Variants in FTH1 observed in about 807,000 individuals in gnomAD.
The protein encoded by FTH1 is ferritin heavy chain 1.
Under a neutral mutation model 21.8 loss-of-function variants are expected in FTH1, and 3 were observed. The observed-to-expected ratio is 0.14, with a 90% CI of 0.06 to 0.36. The LOEUF (loss-of-function observed/expected upper bound fraction) is 0.36, where lower values mean the gene tolerates loss of function less well. Among genes scored for constraint, FTH1 ranks in the 10% least tolerant of loss-of-function variants. The pLI is 1.00. For missense variants in FTH1, 147 were observed against 225.8 expected, an observed-to-expected ratio of 0.65 and a Z score of 2.24; for synonymous variants, 83 against 90.1, an observed-to-expected ratio of 0.92 and a Z score of 0.45.
At chr11:61,966,999 G>C (rs900844488) in intron 1 of FTH1, 6 of 208,032 alleles carry the variant, frequency 2.9e-5, no homozygotes, top group Non-Finnish European at 5.6e-5. Flanking sequence ...CTTCCTAACC[G>C]CAGGATTGAT....
At chr11:61,967,259 G>A (rs960776081) in intron 1 of FTH1, 53 bp downstream of exon 1, 8 of 1,210,858 alleles carry the variant, frequency 6.6e-6, no homozygotes, top group Non-Finnish European at 9.1e-6. Flanking sequence ...CCCAGCGCGC[G>A]CCCCGGGAAC....
intron 2 of FTH1, 81 bp downstream of exon 2, chr11:61,965,288 G>T: frequency 6.3e-7 from 1 of 1,597,540 alleles, no homozygotes; most frequent in Non-Finnish European, 8.6e-7. Context: ...CTTTATAAGG[G>T]CAATTGCTAG....
intron 1 of FTH1, chr11:61,967,021 G>A (rs988253915): frequency 6.2e-5 from 15 of 241,364 alleles, no homozygotes; most frequent in African/African-American, 2.1e-4. Flanking sequence ...ACACAGGCTG[G>A]CAGTCTTGCA....
intron 1 of FTH1, among the ~76,000 whole-genome samples, chr11:61,966,308 A>T (rs1296605021): frequency 6.6e-6 from 1 of 152,200 alleles, no homozygotes; most frequent in African/African-American, 2.4e-5. Context: ...CCCCCATGCA[A>T]GGTGGCAAAT....
chr11:61,965,070 C>G lies in FTH1; in HGVS notation c.304G>C (p.Glu102Gln), dbSNP rs1194106649. ...DDWESGLNAM[E>Q]CALHLEKNVN... ...TTTTTTTCCAAATGTAATGCACACTCCATTGCATTCAGCCCGCTCTCCCAG... is the reference window on the plus strand; with the variant it reads ...TTTTTTTCCAAATGTAATGCACACTGCATTGCATTCAGCCCGCTCTCCCAG... Residue 102 changes from glutamate to glutamine, a missense_variant, in exon 3 of 4, where the codon GAG becomes CAG. By Grantham distance (29) the Glu-to-Gln change is conservative. Transcript: ENST00000273550. 1.2e-6 allele frequency: 2 copies of G among 1,609,602 alleles called. No individual in the cohort carries two copies. Among genetic ancestry groups the G allele is most frequent in the East Asian group, 4.5e-5 (2 of 44,886 alleles).
In FTH1 at chr11:61,965,823, T is replaced by G. The variant is rs554524983; in HGVS notation, c.115-308A>C. Among the ~76,000 whole-genome samples, 5 of 152,334 alleles carry G rather than the reference T, an allele frequency of 3.3e-5. No individual in the cohort carries two copies. The East Asian group carries it at 9.6e-4, about 29-fold the overall frequency. On this transcript the variant is annotated intron_variant, in intron 1 of 3. Coordinates refer to ENST00000273550, the MANE Select transcript of FTH1 (RefSeq NM_002032.3). Reference sequence around the variant, plus strand: ...GATCTGTATTACTGCACAGAAAACTTACAGCCAGTGTCAGAATTCATTGTC... The same window carrying G: ...GATCTGTATTACTGCACAGAAAACTGACAGCCAGTGTCAGAATTCATTGTC...
At chr11:61,966,267 C>G (rs934588502) in intron 1 of FTH1, among the ~76,000 whole-genome samples, 1 of 152,182 alleles carries the variant, frequency 6.6e-6, no homozygotes, top group African/African-American at 2.4e-5. Context: ...GAGCGAGACT[C>G]TGTCTCTCAC....
intron 1 of FTH1, among the ~76,000 whole-genome samples, chr11:61,966,101 C>T (rs1473723704): frequency 6.6e-6 from 1 of 152,058 alleles, no homozygotes; most frequent in African/African-American, 2.4e-5. Flanking sequence ...GGTGAAACCC[C>T]GTCTCTACTA....
chr11:61,966,571 A>C (rs1256395762), intron 1 of FTH1, among the ~76,000 whole-genome samples: 2 of 152,224 alleles, frequency 1.3e-5, no homozygotes, highest in Non-Finnish European at 2.9e-5. Flanking sequence ...TCCACTGATC[A>C]CTGAAAAATT....
At chr11:61,965,167 C>T (rs985116708) in intron 2 of FTH1, 55 bp from the exon 3 acceptor site, 39 of 1,601,902 alleles carry the variant, frequency 2.4e-5, no homozygotes, top group Non-Finnish European at 3.1e-5. Flanking sequence ...GTCAGCAAGC[C>T]CATCATCTCT....
Position 61,964,469 on chromosome 11 carries a change from G to T in FTH1, c.*258C>A, listed in dbSNP as rs1041957978. 6 of 613,256 alleles carry T rather than the reference G, an allele frequency of 9.8e-6. No individual in the cohort carries two copies. The highest frequency in any genetic ancestry group is 3.0e-5 in the Admixed American group (1 of 33,762). 38.0% of individuals were successfully genotyped at this position (613,256 alleles called of 1,614,324 possible). ...TAAATACAAATACTCGTTTCTTTTT[G>T]ATTAGTGTGATTAGAACTGAACAAC... On this transcript the variant is annotated 3_prime_UTR_variant, in exon 4 of 4. Transcript: ENST00000273550.
intron 1 of FTH1, 72 bp downstream of exon 1, chr11:61,967,240 C>A: frequency 1.0e-6 from 1 of 959,218 alleles, no homozygotes; most frequent in Admixed American, 3.1e-5. Context: ...GGCCACACCC[C>A]CGGCCCGCCC....
intron 2 of FTH1, 83 bp downstream of exon 2, chr11:61,965,286 G>C: frequency 1.3e-6 from 2 of 1,597,748 alleles, no homozygotes; most frequent in South Asian, 2.2e-5. Flanking sequence ...CACTTTATAA[G>C]GGCAATTGCT....
rs886048432 is a variant in FTH1 at position 61,965,422 on chromosome 11, G to A, written c.208C>T (p.Leu70=). Residue 70 remains leucine (L), a synonymous_variant, in exon 2 of 4, where the codon CTG becomes TTG. Coordinates refer to ENST00000273550, the MANE Select transcript of FTH1 (RefSeq NM_002032.3). The stretch of plus-strand genomic sequence containing the variant: ...CCTCGTTGGTTCTGCAGCTTCATCA[G>A]TTTCTCAGCATGTTCCCTCTCCTCA... The part of the protein sequence containing the change: ...SHEEREHAEK[L]MKLQNQRGGR... 4 of 1,613,528 alleles carry A rather than the reference G, an allele frequency of 2.5e-6. No individual in the cohort carries two copies. Among genetic ancestry groups the A allele is most frequent in the Non-Finnish European group, 3.4e-6 (4 of 1,180,026 alleles).
intron 1 of FTH1, 109 bp downstream of exon 1, chr11:61,967,203 C>A: frequency 1.9e-6 from 1 of 531,742 alleles, no homozygotes; most frequent in Non-Finnish European, 3.2e-6. Flanking sequence ...TCCAGAAGGG[C>A]GCAGGGAGGC....
rs1436389011 is a variant in FTH1 at position 61,967,460 on chromosome 11, T to G, written c.-35A>C. On this transcript the variant is annotated 5_prime_UTR_variant, in exon 1 of 4. Transcript: ENST00000273550. ...TAAGGAGAGGCGGCGGCGGCGGCGG[T>G]GGCTGCGCGGCGCTGGAGCGGCGGC... is the stretch of plus-strand genomic sequence containing the variant. The G allele has an allele frequency of 2.1e-6, 3 of 1,437,548 alleles. No individual in the cohort carries two copies. The highest frequency in any genetic ancestry group is 2.9e-6 in the Non-Finnish European group (3 of 1,044,578). The allele number at this position is 1,437,548 out of a possible 1,614,324, so 89.0% of individuals were successfully genotyped here.
At chr11:61,965,825 C>G (rs1942443826) in intron 1 of FTH1, among the ~76,000 whole-genome samples, 1 of 152,212 alleles carries the variant, frequency 6.6e-6, no homozygotes, top group African/African-American at 2.4e-5. Context: ...AGAAAACTTA[C>G]AGCCAGTGTC....
At position 61,967,416 on chromosome 11, in the gene FTH1, C is replaced by G; in HGVS notation, c.10G>C (p.Ala4Pro). 2 of 1,600,872 alleles carry G rather than the reference C, an allele frequency of 1.2e-6. No homozygotes were observed. MTTASTSQVRQNYH... is the reference protein window; with the variant it reads MTTPSTSQVRQNYH... ...TTCTGGCGCACCTGCGAGGTGGACG[C>G]GGTCGTCATGGCGGCGACTAAGGAG... The change falls in exon 1 of 4, where the codon GCG becomes CCG. Residue 4 changes from alanine to proline, a missense_variant. By Grantham distance (27) the Ala-to-Pro change is conservative. Coordinates refer to ENST00000273550, the MANE Select transcript of FTH1 (RefSeq NM_002032.3).
Position 61,964,809 on chromosome 11 carries a change from C to A in FTH1, c.470G>T (p.Arg157Leu). Residue 157 changes from arginine to leucine, a missense_variant, in exon 4 of 4, where the codon CGC (arginine) becomes CTC (leucine). Physicochemically the swap from Arg to Leu is moderately radical, Grantham distance 102. Transcript: ENST00000273550. ...GCCAGATTCGGGCGCTCCCATCTTG[C>A]GCAAGTTGGTCACGTGGTCACCCAA... is the stretch of plus-strand genomic sequence containing the variant. Reference protein sequence around the residue: ...KELGDHVTNLRKMGAPESGLA... With the variant: ...KELGDHVTNLLKMGAPESGLA... The A allele has an allele frequency of 6.2e-7, 1 of 1,600,248 alleles. No individual in the cohort carries two copies. The highest frequency in any genetic ancestry group is 1.1e-5 in the South Asian group (1 of 91,084).
Sources: allele counts gnomAD v4.1 joint callset (sites outside exome capture counted in the v4.1 genomes callset), GRCh38; gene constraint gnomAD v4.1.1; transcripts MANE v1.5; gene names NCBI Gene and HGNC (gene_info 2026-07-23, HGNC 2026-07-21).